Variants in NUP155 observed in about 807,000 individuals in gnomAD.
The protein encoded by NUP155 is nuclear pore complex protein Nup155.
NUP155 carries 71 observed loss-of-function variants against 180.4 expected under a neutral mutation model. The ratio of observed to expected loss-of-function variants is 0.39; its 90% CI spans 0.33 to 0.48. NUP155 has a LOEUF of 0.48. Ranked by LOEUF, NUP155 falls within the 20% of genes least tolerant of loss-of-function variation. The probability of loss-of-function intolerance (pLI) is 0.91; values close to 1 mark genes in which losing one functional copy is unlikely to be tolerated. For synonymous variants in NUP155, 582 were observed against 559.5 expected (o/e 1.04, Z -0.57); for missense variants, 1,553 against 1,648.9 (o/e 0.94, Z 1.01).
intron 3 of NUP155, among the ~76,000 whole-genome samples, chr5:37,362,617 C>T (rs953121688): frequency 6.6e-6 from 1 of 152,030 alleles, no homozygotes; most frequent in Non-Finnish European, 1.5e-5. Context: ...AACAATTATT[C>T]TCACATTTAT....
intron 27 of NUP155, 132 bp from the exon 28 acceptor site, chr5:37,303,546 C>T: frequency 1.4e-6 from 1 of 738,292 alleles, no homozygotes. Context: ...AATTATAATC[C>T]AATACTAACA....
chr5:37,298,524 G>C (rs1234852648), intron 32 of NUP155, among the ~76,000 whole-genome samples: 2 of 152,082 alleles, frequency 1.3e-5, no homozygotes, highest in African/African-American at 4.8e-5. Context: ...AAGAACAGTT[G>C]AATCAATCAC....
chr5:37,330,190 G>T, intron 14 of NUP155, 58 bp from the exon 15 acceptor site: 1 of 1,184,592 alleles, frequency 8.4e-7, no homozygotes, highest in Non-Finnish European at 1.2e-6. Context: ...AATGATTTGT[G>T]TACTGCTAGA....
Position 37,370,922 on chromosome 5 carries a change from A to T in NUP155, c.56T>A (p.Leu19Gln), listed in dbSNP as rs762703704. ...AMPASTSAAA[L>Q]QEALENAGRL... ...TCCAGCATTTTCCAGAGCTTCCTGC[A>T]GGGCTGCGGCAGATGTAGAGGCCGG... is the stretch of plus-strand genomic sequence containing the variant. The change falls in exon 1 of 35, where the codon CTG (leucine) becomes CAG (glutamine). Residue 19 changes from leucine to glutamine, a missense_variant. Physicochemically the swap from Leu to Gln is moderately radical, Grantham distance 113. Coordinates refer to ENST00000231498, the MANE Select transcript of NUP155 (RefSeq NM_153485.3). 6.2e-7 allele frequency: 1 copy of T among 1,614,212 alleles called. No individual in the cohort carries two copies. The highest frequency in any genetic ancestry group is 1.1e-5 in the South Asian group (1 of 91,090).
intron 30 of NUP155, among the ~76,000 whole-genome samples, chr5:37,300,001 G>A (rs1471889207): frequency 2.0e-5 from 3 of 148,228 alleles, no homozygotes; most frequent in Non-Finnish European, 4.4e-5. Flanking sequence ...CCTGGTGACA[G>A]AGAAAGACTC....
In NUP155 at chr5:37,351,291, G is replaced by C; in HGVS notation, c.622C>G (p.Leu208Val). ...MQLLPDPLYS[L>V]PTDNTYLLTI... ...AAAAGGTAAGTATTATCAGTAGGAA[G>C]AGAATATAAAGGATCTGGAAGCAAC... The change falls in exon 6 of 35, where the codon CTT becomes GTT. Residue 208 changes from leucine to valine, a missense_variant. Leu to Val is a conservative substitution (Grantham distance 32). Transcript: ENST00000231498. The C allele has an allele frequency of 6.2e-7, 1 of 1,612,616 alleles. No homozygotes were observed. Among genetic ancestry groups the C allele is most frequent in the East Asian group, 2.2e-5 (1 of 44,820 alleles).
chr5:37,368,313 C>T (rs750777076), intron 1 of NUP155, among the ~76,000 whole-genome samples: 5 of 148,128 alleles, frequency 3.4e-5, no homozygotes, highest in African/African-American at 7.4e-5. Context: ...TCAACCTCCC[C>T]GTCTCAAGTT....
intron 9 of NUP155, among the ~76,000 whole-genome samples, chr5:37,347,781 A>G (rs1159695146): frequency 1.3e-5 from 2 of 151,862 alleles, no homozygotes; most frequent in Non-Finnish European, 2.9e-5. Flanking sequence ...TGGGTAGATT[A>G]CCTGAGGTCA....
intron 16 of NUP155, 93 bp from the exon 17 acceptor site, chr5:37,328,513 T>C: frequency 1.0e-6 from 1 of 983,284 alleles, no homozygotes; most frequent in Non-Finnish European, 1.6e-6. Flanking sequence ...ATTTCCTTTT[T>C]CTTTTTTTGA....
At chr5:37,299,712 G>A (rs769214548) in intron 30 of NUP155, 144 bp from the exon 31 acceptor site, 2 of 873,424 alleles carry the variant, frequency 2.3e-6, no homozygotes, top group Admixed American at 2.1e-5. Flanking sequence ...GATGATGTAT[G>A]TAGCTGGTTA....
At position 37,358,109 on chromosome 5, in the gene NUP155, A is replaced by ATTCTT; in HGVS notation, c.434_435insAAGAA (p.Ala146ArgfsTer7). ...CTTTTGGCTTCACAAGCCCCACAGC[A>ATTCTT]AGAATAGTCTCACTAAGTCCATCAA... On this transcript the variant is annotated frameshift_variant, in exon 4 of 35. Coordinates refer to ENST00000231498, the MANE Select transcript of NUP155 (RefSeq NM_153485.3). LOFTEE classifies it high-confidence loss of function. 6.2e-7 allele frequency: 1 copy of ATTCTT among 1,613,478 alleles called. No individual in the cohort carries two copies. Among genetic ancestry groups the ATTCTT allele is most frequent in the Non-Finnish European group, 8.5e-7 (1 of 1,179,370 alleles).
chr5:37,351,874 G>A (rs1746486628), intron 5 of NUP155, among the ~76,000 whole-genome samples: 1 of 127,794 alleles, frequency 7.8e-6, no homozygotes, highest in African/African-American at 4.8e-5. Flanking sequence ...GTGTGTGAGT[G>A]TGTGTGTGTG....
intron 7 of NUP155, 96 bp downstream of exon 7, chr5:37,350,064 T>C: frequency 1.2e-6 from 1 of 866,068 alleles, no homozygotes; most frequent in South Asian, 1.4e-5. Context: ...CATAACAAAT[T>C]GTTTCAATTA....
intron 4 of NUP155, among the ~76,000 whole-genome samples, chr5:37,353,214 T>C (rs369035897): frequency 4.0e-5 from 6 of 151,852 alleles, no homozygotes; most frequent in African/African-American, 1.5e-4. Flanking sequence ...GAAAACAAAA[T>C]CCAAGTGTCC....
chr5:37,291,721 AAT>A lies in NUP155; in HGVS notation c.*177_*178del, dbSNP rs1287954895. 11 of 513,880 alleles carry A rather than the reference AAT, an allele frequency of 2.1e-5. No individual in the cohort carries two copies. The highest frequency in any genetic ancestry group is 1.3e-4 in the East Asian group (4 of 30,542). 31.8% of individuals were successfully genotyped at this position (513,880 alleles called of 1,614,324 possible). A position where few individuals can be genotyped will look rare whatever the true frequency, so the allele number is the denominator to read the frequency against. Reference sequence around the variant, plus strand: ...TTTTCACCCAATTACTAAAAAACAAAATAGTCATAAAAAAGAATTCATTTAGC... The same window carrying A: ...TTTTCACCCAATTACTAAAAAACAAAAGTCATAAAAAAGAATTCATTTAGC... On this transcript the variant is annotated 3_prime_UTR_variant, in exon 35 of 35. Coordinates refer to ENST00000231498, the MANE Select transcript of NUP155 (RefSeq NM_153485.3).
At chr5:37,310,948 C>T (rs1167123288) in intron 22 of NUP155, among the ~76,000 whole-genome samples, 1 of 151,920 alleles carries the variant, frequency 6.6e-6, no homozygotes, top group African/African-American at 2.4e-5. Context: ...AGATCTAGTC[C>T]AAAACTCTCA....
chr5:37,339,748 T>C (rs991850999), intron 11 of NUP155, among the ~76,000 whole-genome samples: 4 of 152,140 alleles, frequency 2.6e-5, no homozygotes, highest in African/African-American at 9.7e-5. Flanking sequence ...CCAACCTCAC[T>C]TTTTTGTGTG....
intron 23 of NUP155, 93 bp downstream of exon 23, chr5:37,310,459 C>G: frequency 1.0e-6 from 1 of 995,816 alleles, no homozygotes; most frequent in East Asian, 2.5e-5. Flanking sequence ...AGAGATCTAA[C>G]TGACTGAGGT....
rs757973505 is a variant in NUP155 at position 37,298,917 on chromosome 5, A to G, written c.3744T>C (p.Ile1248=). ...CAGCATAAATTTTGCCAAGGAGAAC[A>G]ATCTTGAGACTAAGAGCATGCATTC... is the stretch of plus-strand genomic sequence containing the variant. ...SDRMHALSLK[I]VLLGKIYAGT... is the part of the protein sequence containing the mutation. Residue 1248 remains isoleucine (I), a synonymous_variant, in exon 32 of 35, where the codon ATT becomes ATC. Transcript: ENST00000231498. The G allele has an allele frequency of 1.9e-6, 3 of 1,613,660 alleles. No homozygotes were observed. The South Asian group carries it at 3.3e-5, about 18-fold the overall frequency.
Sources: gnomAD v4.1 joint callset for allele counts (sites outside exome capture counted in the v4.1 genomes callset) on GRCh38, gnomAD v4.1.1 for gene constraint, MANE v1.5 for transcripts, NCBI Gene and HGNC (gene_info 2026-07-23, HGNC 2026-07-21) for gene names.